PELI2: variants seen among roughly 807,000 people sequenced by gnomAD.
The protein encoded by PELI2 is pellino E3 ubiquitin protein ligase family member 2, also known as E3 ubiquitin-protein ligase pellino homolog 2.
PELI2 carries 23 observed loss-of-function variants against 42.3 expected under a neutral mutation model. The observed-to-expected ratio is 0.54, with a 90% confidence interval of 0.39 to 0.77. The LOEUF (loss-of-function observed/expected upper bound fraction) is 0.77, where lower values mean the gene tolerates loss of function less well. Among genes scored for constraint, PELI2 ranks in the 30% least tolerant of loss-of-function variants. PELI2 has a pLI of 0.00. For synonymous variants in PELI2, 245 were observed against 212.2 expected, an observed-to-expected ratio of 1.15 and a Z score of -1.34; for missense variants, 463 against 553.2, an observed-to-expected ratio of 0.84 and a Z score of 1.64.
chr14:56,120,877 G>C (rs1883035925), intron 1 of PELI2, among the ~76,000 whole-genome samples: 1 of 152,140 alleles, frequency 6.6e-6, no homozygotes. Context: ...ATGCTAGTCT[G>C]GTTTTTGAAT....
intron 2 of PELI2, among the ~76,000 whole-genome samples, chr14:56,182,980 C>G: frequency 6.6e-6 from 1 of 152,212 alleles, no homozygotes; most frequent in African/African-American, 2.4e-5. Context: ...TCGGGAGAGT[C>G]ATCACCTTAT....
chr14:56,292,119 A>G (rs868852323), intron 5 of PELI2, among the ~76,000 whole-genome samples: 39 of 152,236 alleles, frequency 2.6e-4, no homozygotes, highest in African/African-American at 9.2e-4. Context: ...AGAATTTTAC[A>G]GTGCGACTGA....
chr14:56,228,175 A>G (rs1024356135), intron 2 of PELI2, among the ~76,000 whole-genome samples: 3 of 152,240 alleles, frequency 2.0e-5, no homozygotes, highest in African/African-American at 7.2e-5. Context: ...TGTATAAAAG[A>G]CAGCATTTTC....
chr14:56,223,349 A>G (rs1887219997), intron 2 of PELI2, among the ~76,000 whole-genome samples: 1 of 152,010 alleles, frequency 6.6e-6, no homozygotes, highest in African/African-American at 2.4e-5. Context: ...ACACTGGGGG[A>G]TGGTGTGAAA....
At chr14:56,275,989 A>G (rs1889277968) in intron 2 of PELI2, among the ~76,000 whole-genome samples, 1 of 152,204 alleles carries the variant, frequency 6.6e-6, no homozygotes, top group Non-Finnish European at 1.5e-5. Context: ...AGGGCCTTGG[A>G]GAAACTTTTA....
intron 2 of PELI2, among the ~76,000 whole-genome samples, chr14:56,216,395 A>T (rs1886906525): frequency 6.6e-6 from 1 of 152,258 alleles, no homozygotes; most frequent in South Asian, 2.1e-4. Context: ...AAAGTATATT[A>T]AACTTCTTGT....
rs1442617583 is a variant in PELI2, at chr14:56,219,043, CT to C, written c.207+40580del. Among the ~76,000 whole-genome samples the C allele has an allele frequency of 1.3e-5, 2 of 152,130 alleles. No individual in the cohort carries two copies. Among genetic ancestry groups the C allele is most frequent in the African/African-American group, 4.8e-5 (2 of 41,398 alleles). On this transcript the variant is annotated intron_variant, in intron 2 of 5. Coordinates refer to ENST00000267460, the MANE Select transcript of PELI2 (RefSeq NM_021255.3). The surrounding 1 kb of genome is among the most constrained non-coding windows in gnomAD (Gnocchi z 4.1). Reference sequence around the variant, plus strand: ...TCTTGAGCATGACCAGATCCATTTCCTGTTTTTTTCACATTTCTTTTTCTAA... The same window carrying C: ...TCTTGAGCATGACCAGATCCATTTCCGTTTTTTTCACATTTCTTTTTCTAA...
At chr14:56,261,426 A>G (rs1456767501) in intron 2 of PELI2, among the ~76,000 whole-genome samples, 1 of 152,118 alleles carries the variant, frequency 6.6e-6, no homozygotes, top group Non-Finnish European at 1.5e-5. Flanking sequence ...CTAATGATGG[A>G]AACAGGATTT....
At chr14:56,286,166 T>C (rs1367640606) in intron 3 of PELI2, among the ~76,000 whole-genome samples, 2 of 152,244 alleles carry the variant, frequency 1.3e-5, no homozygotes, top group East Asian at 1.9e-4. Flanking sequence ...CATGATCCAG[T>C]ATAAAAGGAG....
chr14:56,270,142 G>C (rs1889049886), intron 2 of PELI2, among the ~76,000 whole-genome samples: 1 of 152,208 alleles, frequency 6.6e-6, no homozygotes, highest in African/African-American at 2.4e-5. Flanking sequence ...AACCAATCCA[G>C]GATGGGCTCA....
chr14:56,119,377 C>T (rs1398421677), intron 1 of PELI2, among the ~76,000 whole-genome samples: 1 of 152,002 alleles, frequency 6.6e-6, no homozygotes, highest in Non-Finnish European at 1.5e-5. Flanking sequence ...TCCGCTTCTC[C>T]CCGCTTGGAG....
chr14:56,277,515 C>T (rs1889336888), intron 2 of PELI2, among the ~76,000 whole-genome samples: 1 of 151,906 alleles, frequency 6.6e-6, no homozygotes, highest in African/African-American at 2.4e-5. Flanking sequence ...TTACATATTA[C>T]AATGTAATAA....
At chr14:56,151,324 T>C (rs1042756722) in intron 1 of PELI2, among the ~76,000 whole-genome samples, 2 of 152,208 alleles carry the variant, frequency 1.3e-5, no homozygotes, top group Non-Finnish European at 2.9e-5. Flanking sequence ...GTGAACTCAT[T>C]TTTGATCCTC....
chr14:56,248,522 T>C (rs1888237549), intron 2 of PELI2, among the ~76,000 whole-genome samples: 1 of 152,036 alleles, frequency 6.6e-6, no homozygotes, highest in Non-Finnish European at 1.5e-5. Context: ...AGAAGGAGCC[T>C]CCAGGCTGGC....
chr14:56,137,305 CAG>C (rs1419913281), intron 1 of PELI2, among the ~76,000 whole-genome samples: 1 of 151,664 alleles, frequency 6.6e-6, no homozygotes, highest in Non-Finnish European at 1.5e-5. Context: ...GAATGGGTAA[CAG>C]AGAAAAAAAT....
Position 56,289,454 on chromosome 14 carries a change from G to A in PELI2, c.508-814G>A, listed in dbSNP as rs151299120. Among the ~76,000 whole-genome samples, 4 of 152,216 alleles carry A rather than the reference G, an allele frequency of 2.6e-5. No individual in the cohort carries two copies. In the East Asian group the frequency reaches 5.8e-4, roughly 22 times the overall value. On this transcript the variant is annotated intron_variant, in intron 4 of 5. Coordinates refer to ENST00000267460, the MANE Select transcript of PELI2 (RefSeq NM_021255.3). ...GTGGCAGAAGCACTGTTTCTTCCTTGTCTCTTCTTAGAGCACAGACACCTT... is the reference window on the plus strand; with the variant it reads ...GTGGCAGAAGCACTGTTTCTTCCTTATCTCTTCTTAGAGCACAGACACCTT...
At chr14:56,289,407 C>T (rs1417506555) in intron 4 of PELI2, among the ~76,000 whole-genome samples, 1 of 152,150 alleles carries the variant, frequency 6.6e-6, no homozygotes, top group Non-Finnish European at 1.5e-5. Flanking sequence ...TGCCACATGA[C>T]AACTTCCAGC....
intron 2 of PELI2, among the ~76,000 whole-genome samples, chr14:56,193,316 G>A (rs755172647): frequency 6.6e-6 from 1 of 152,088 alleles, no homozygotes; most frequent in South Asian, 2.1e-4. Flanking sequence ...CTATTACCTC[G>A]ATCAGTTGAA....
At chr14:56,212,264 A>G (rs1886738223) in intron 2 of PELI2, among the ~76,000 whole-genome samples, 1 of 152,212 alleles carries the variant, frequency 6.6e-6, no homozygotes. Context: ...GGTTTTTCAC[A>G]TTCTACCCTA....
Sources: gnomAD v4.1 joint callset for allele counts (sites outside exome capture counted in the v4.1 genomes callset) on GRCh38, gnomAD v4.1.1 for gene constraint, Gnocchi (gnomAD v3.1) non-coding constraint, MANE v1.5 for transcripts, NCBI Gene and HGNC (gene_info 2026-07-23, HGNC 2026-07-21) for gene names.